ADGRL1: variants seen among roughly 807,000 people sequenced by gnomAD.
The protein encoded by ADGRL1 is adhesion G protein-coupled receptor L1, also known as CIRL-1.
ADGRL1 carries 31 observed loss-of-function variants against 148.9 expected under a neutral mutation model. The observed-to-expected ratio is 0.21, with a 90% confidence interval of 0.16 to 0.28. The LOEUF (loss-of-function observed/expected upper bound fraction) is 0.28. ADGRL1 is among the 10% of genes least tolerant of loss of function. The pLI, the probability that ADGRL1 is intolerant of heterozygous loss-of-function variation, is 1.00. For missense variants in ADGRL1, 1,521 were observed against 2,058.8 expected, an observed-to-expected ratio of 0.74 and a Z score of 5.05; for synonymous variants, 937 against 900.3, an observed-to-expected ratio of 1.04 and a Z score of -0.73.
rs561272911 is a variant in ADGRL1, at chr19:14,160,529, C to G, written c.1614+64G>C. The G allele has an allele frequency of 2.1e-5, 27 of 1,264,956 alleles. No homozygotes were observed. In the Admixed American group the frequency reaches 6.7e-4, roughly 32 times the overall value. 78.4% of individuals were successfully genotyped at this position (1,264,956 alleles called of 1,614,324 possible). On this transcript the variant is annotated intron_variant, in intron 7 of 22. Transcript: ENST00000361434. This position sits in a 1 kb window ranked among gnomAD's most constrained non-coding sequence, Gnocchi z 5.9. Reference sequence around the variant, plus strand: ...TGTCTCCCCAGCTGCTCCACGACCCCCGCTGGGCCCTGGGCCCTGGGCCCG... The same window carrying G: ...TGTCTCCCCAGCTGCTCCACGACCCGCGCTGGGCCCTGGGCCCTGGGCCCG...
At chr19:14,153,214 G>C (rs921676522) in intron 18 of ADGRL1, among the ~76,000 whole-genome samples, 2 of 152,070 alleles carry the variant, frequency 1.3e-5, no homozygotes, top group Non-Finnish European at 2.9e-5. Context: ...CTATGTGCCA[G>C]GCACAATTTA....
chr19:14,174,517 C>T (rs1409946451), intron 3 of ADGRL1, among the ~76,000 whole-genome samples: 1 of 151,774 alleles, frequency 6.6e-6, no homozygotes, highest in African/African-American at 2.4e-5. Flanking sequence ...GTGACCCGCT[C>T]CTCCCCTGGT....
chr19:14,193,123 C>T (rs1972046515), intron 1 of ADGRL1, among the ~76,000 whole-genome samples: 1 of 152,044 alleles, frequency 6.6e-6, no homozygotes, highest in Non-Finnish European at 1.5e-5. Context: ...GCCCTCTCCC[C>T]AGAGTGGCTC....
intron 3 of ADGRL1, among the ~76,000 whole-genome samples, chr19:14,172,632 C>T (rs893188538): frequency 6.6e-6 from 1 of 151,966 alleles, no homozygotes; most frequent in Non-Finnish European, 1.5e-5. Context: ...CCCAGCTACT[C>T]GGGAGGCTGA....
chr19:14,190,562 T>C (rs921604204), intron 1 of ADGRL1, among the ~76,000 whole-genome samples: 1 of 152,122 alleles, frequency 6.6e-6, no homozygotes, highest in Admixed American at 6.6e-5. Flanking sequence ...CCATTCTGCC[T>C]GGTTAAAACG....
chr19:14,157,859 G>A lies in ADGRL1; in HGVS notation c.2535+23C>T, dbSNP rs772236119. The A allele has an allele frequency of 1.2e-6, 2 of 1,612,410 alleles. No individual in the cohort carries two copies. The highest frequency in any genetic ancestry group is 2.2e-5 in the East Asian group (1 of 44,872). ...GGCCAGCAATCGGGCCTGCCTGGAG[G>A]AGCAGAGCACCAGCCAGCTTACGAT... On this transcript the variant is annotated intron_variant, in intron 13 of 22. Transcript: ENST00000361434. The surrounding 1 kb of genome is among the most constrained non-coding windows in gnomAD (Gnocchi z 7.5).
rs924139976 is a variant in ADGRL1 at position 14,162,005 on chromosome 19, G to A, written c.1196-379C>T. Among the ~76,000 whole-genome samples, 10 of 152,140 alleles carry A rather than the reference G, an allele frequency of 6.6e-5. No individual in the cohort carries two copies. In the East Asian group the frequency reaches 1.9e-3, roughly 29 times the overall value. On this transcript the variant is annotated intron_variant, in intron 5 of 22. Transcript: ENST00000361434. This position sits in a 1 kb window ranked among gnomAD's most constrained non-coding sequence, Gnocchi z 5.4. ...CACCAGGTGGGGGCTGAATACCACC[G>A]CCCCCCATCCTCGTTCTAGCTGACT...
In ADGRL1 at chr19:14,148,784, C is replaced by T. The variant is rs1967851354; in HGVS notation, c.*2089G>A. The T allele has an allele frequency of 6.5e-6, 1 of 152,706 alleles. No homozygotes were observed. Among genetic ancestry groups the T allele is most frequent in the Non-Finnish European group, 1.5e-5 (1 of 68,094 alleles). 9.5% of individuals were successfully genotyped at this position (152,706 alleles called of 1,614,324 possible). ...ACCTGTTCCCTTACACGGGACAAAC[C>T]ACCATCTTTGGTCTGACCCCTTCTC... On this transcript the variant is annotated 3_prime_UTR_variant, in exon 23 of 23. Coordinates refer to ENST00000361434, the MANE Select transcript of ADGRL1 (RefSeq NM_014921.5).
In ADGRL1 at chr19:14,157,757, C is replaced by G; in HGVS notation, c.2535+125G>C. ...GCATGGCCTCATGCCCCAGGCAAGACCAGGGGCCCCCCACACCCATGGGGC... is the reference window on the plus strand; with the variant it reads ...GCATGGCCTCATGCCCCAGGCAAGAGCAGGGGCCCCCCACACCCATGGGGC... On this transcript the variant is annotated intron_variant, in intron 13 of 22. Transcript: ENST00000361434. This position sits in a 1 kb window ranked among gnomAD's most constrained non-coding sequence, Gnocchi z 7.5. 1 of 1,218,124 alleles carries G rather than the reference C, an allele frequency of 8.2e-7. No homozygotes were observed. Among genetic ancestry groups the G allele is most frequent in the Non-Finnish European group, 1.1e-6 (1 of 887,356 alleles). The allele number at this position is 1,218,124 out of a possible 1,614,324, so 75.5% of individuals were successfully genotyped here.
At chr19:14,171,537 GC>G (rs1297901535) in intron 3 of ADGRL1, among the ~76,000 whole-genome samples, 1 of 152,182 alleles carries the variant, frequency 6.6e-6, no homozygotes, top group Non-Finnish European at 1.5e-5. Context: ...GGACTTTAAA[GC>G]CCCTGCGCTG....
intron 4 of ADGRL1, chr19:14,167,180 AC>A: frequency 1.4e-6 from 1 of 733,428 alleles, no homozygotes; most frequent in South Asian, 1.7e-5. Context: ...TGCTTCCCCA[AC>A]CCCTTCCGTA....
chr19:14,147,822 C>T lies in ADGRL1; in HGVS notation c.*3051G>A, dbSNP rs2074940261. ...TAAAACTTTTTGTTTTTTTCTGAAA[C>T]GTTCTTGTTGTTATGAGCCTTTTGT... On this transcript the variant is annotated 3_prime_UTR_variant, in exon 23 of 23. Coordinates refer to ENST00000361434, the MANE Select transcript of ADGRL1 (RefSeq NM_014921.5). The T allele has an allele frequency of 6.6e-6, 1 of 152,360 alleles. No homozygotes were observed. Among genetic ancestry groups the T allele is most frequent in the South Asian group, 2.1e-4 (1 of 4,828 alleles). The allele number at this position is 152,360 out of a possible 1,614,324, so 9.4% of individuals were successfully genotyped here. A position where few individuals can be genotyped will look rare whatever the true frequency, so the allele number is the denominator to read the frequency against.
Position 14,157,952 on chromosome 19 carries a change from T to G in ADGRL1, c.2465A>C (p.Asn822Thr). 1.2e-6 allele frequency: 2 copies of G among 1,614,200 alleles called. No individual in the cohort carries two copies. The highest frequency in any genetic ancestry group is 1.3e-5 in the African/African-American group (1 of 75,060). ...GCAGGCACACGTGGTATGGGTCTTGTTGGACTCCACCAGGCGGCAGCCTTG... is the reference window on the plus strand; with the variant it reads ...GCAGGCACACGTGGTATGGGTCTTGGTGGACTCCACCAGGCGGCAGCCTTG... ...STQGCRLVES[N>T]KTHTTCACSH... Residue 822 changes from asparagine (N) to threonine (T), a missense_variant, in exon 13 of 23, where the codon AAC becomes ACC. Physicochemically the swap from Asn to Thr is moderately conservative, Grantham distance 65 (BLOSUM62 0). Around this residue, in one of 8 missense-constraint regions of ADGRL1, gnomAD observed 265 missense variants for 431.9 expected, o/e 0.61. Transcript: ENST00000361434. This position sits in a 1 kb window ranked among gnomAD's most constrained non-coding sequence, Gnocchi z 7.5.
At chr19:14,171,945 C>T (rs1359656409) in intron 3 of ADGRL1, among the ~76,000 whole-genome samples, 1 of 152,174 alleles carries the variant, frequency 6.6e-6, no homozygotes, top group Non-Finnish European at 1.5e-5. Flanking sequence ...AGAGGCTTCC[C>T]GACAGGTATG....
rs1177106118 is a variant in ADGRL1 at position 14,159,231 on chromosome 19, A to T, written c.2024-16T>A. The T allele has an allele frequency of 1.2e-6, 2 of 1,613,694 alleles. No individual in the cohort carries two copies. On this transcript the variant is annotated splice_polypyrimidine_tract_variant and intron_variant, in intron 10 of 22. Coordinates refer to ENST00000361434, the MANE Select transcript of ADGRL1 (RefSeq NM_014921.5). The surrounding 1 kb of genome is among the most constrained non-coding windows in gnomAD (Gnocchi z 6.0). The stretch of plus-strand genomic sequence containing the variant: ...ACCTCCAGGACTGTGGGGACAGGGG[A>T]AGGCAAGGCATACACAGTTGGGGTC...
At chr19:14,187,910 C>G (rs1971686220) in intron 1 of ADGRL1, among the ~76,000 whole-genome samples, 1 of 151,992 alleles carries the variant, frequency 6.6e-6, no homozygotes, top group Non-Finnish European at 1.5e-5. Flanking sequence ...CAACAGGCAT[C>G]CGAGCAGAGG....
Position 14,152,030 on chromosome 19 carries a change from G to C in ADGRL1, c.3667+103C>G. The C allele has an allele frequency of 9.5e-7, 1 of 1,056,432 alleles. No homozygotes were observed. The highest frequency in any genetic ancestry group is 1.5e-6 in the Non-Finnish European group (1 of 676,638). 65.4% of individuals were successfully genotyped at this position (1,056,432 alleles called of 1,614,324 possible). A position where few individuals can be genotyped will look rare whatever the true frequency, so the allele number is the denominator to read the frequency against. On this transcript the variant is annotated intron_variant, in intron 22 of 22. Transcript: ENST00000361434. This position sits in a 1 kb window ranked among gnomAD's most constrained non-coding sequence, Gnocchi z 6.1. ...GGGGGGTGGGGAAATGTGGGCATGG[G>C]GAGGCATCCCGAGTTCTCCTCCTTA...
chr19:14,158,143 C>G (rs1968959746), intron 12 of ADGRL1, 91 bp from the exon 13 acceptor site: 3 of 1,412,140 alleles, frequency 2.1e-6, no homozygotes, highest in Non-Finnish European at 3.0e-6. Context: ...GGGATGGTAC[C>G]AAGTATCAAA....
chr19:14,160,422 C>T lies in ADGRL1; in HGVS notation c.1615-125G>A. 2 of 986,446 alleles carry T rather than the reference C, an allele frequency of 2.0e-6. No homozygotes were observed. The highest frequency in any genetic ancestry group is 2.6e-5 in the East Asian group (1 of 38,140). 61.1% of individuals were successfully genotyped at this position (986,446 alleles called of 1,614,324 possible). A position where few individuals can be genotyped will look rare whatever the true frequency, so the allele number is the denominator to read the frequency against. ...CTCCACTTCCCCATCGCCATCTGCC[C>T]CTTCCCACCCCATCTGTCCCTGCTC... On this transcript the variant is annotated intron_variant, in intron 7 of 22. Coordinates refer to ENST00000361434, the MANE Select transcript of ADGRL1 (RefSeq NM_014921.5). The surrounding 1 kb of genome is among the most constrained non-coding windows in gnomAD (Gnocchi z 5.9).
Sources: allele counts gnomAD v4.1 joint callset (sites outside exome capture counted in the v4.1 genomes callset), GRCh38; gene constraint gnomAD v4.1.1; regional missense constraint gnomAD v4.1.1; non-coding constraint Gnocchi (gnomAD v3.1); transcripts MANE v1.5; gene names NCBI Gene and HGNC (gene_info 2026-07-23, HGNC 2026-07-21).